DAB1: variants seen among roughly 807,000 people sequenced by gnomAD.
DAB1 encodes DAB adaptor protein 1.
DAB1 carries 15 observed loss-of-function variants against 64.6 expected under a neutral mutation model. The observed-to-expected ratio is 0.23, with a 90% confidence interval of 0.16 to 0.36. The LOEUF is 0.36. Ranked by LOEUF, DAB1 falls within the 10% of genes least tolerant of loss-of-function variation. The pLI, the probability that DAB1 is intolerant of heterozygous loss-of-function variation, is 1.00. For missense variants in DAB1, 596 were observed against 706.7 expected, an observed-to-expected ratio of 0.84 and a Z score of 1.78; for synonymous variants, 235 against 251.9, an observed-to-expected ratio of 0.93 and a Z score of 0.64.
rs576435591 is a variant in DAB1 at position 58,355,274 on chromosome 1, C to A, written n.258-11871G>T. Reference sequence around the variant, plus strand: ...CAGCCAGTCTCCATCTGTAAAGTGGCACAGCTTTGTTTCAGAGTTTGCATG... The same window carrying A: ...CAGCCAGTCTCCATCTGTAAAGTGGAACAGCTTTGTTTCAGAGTTTGCATG... On this transcript the variant is annotated intron_variant and non_coding_transcript_variant, in intron 3 of 20. Coordinates refer to the DAB1 transcript ENST00000485760. Among the ~76,000 whole-genome samples the A allele has an allele frequency of 3.2e-4, 49 of 152,298 alleles. No homozygotes were observed. In the South Asian group the frequency reaches 3.5e-3, roughly 11 times the overall value.
chr1:57,182,411 C>T (rs188276625), intron 2 of DAB1, among the ~76,000 whole-genome samples: 227 of 152,302 alleles, frequency 1.5e-3, no homozygotes, highest in Non-Finnish European at 2.5e-3. Flanking sequence ...GTGGATCTGG[C>T]TGAAGCTGCA....
chr1:58,260,203 G>A (rs982289467), intron 4 of DAB1, among the ~76,000 whole-genome samples: 27 of 152,244 alleles, frequency 1.8e-4, no homozygotes, highest in Admixed American at 7.2e-4. Context: ...TGTTGGGCTC[G>A]TATGTCCCCC....
intron 3 of DAB1, among the ~76,000 whole-genome samples, chr1:58,372,865 T>G (rs760081783): frequency 1.1e-4 from 17 of 152,196 alleles, no homozygotes; most frequent in Non-Finnish European, 2.4e-4. Flanking sequence ...GCAAGTTTCC[T>G]GAGAACTCCC....
chr1:57,566,819 G>A (rs1398901588), intron 7 of DAB1, among the ~76,000 whole-genome samples: 1 of 152,130 alleles, frequency 6.6e-6, no homozygotes, highest in African/African-American at 2.4e-5. Context: ...AGGACCAGAC[G>A]AATTCACAGC....
At chr1:57,684,849 T>C (rs1646676484) in intron 6 of DAB1, among the ~76,000 whole-genome samples, 1 of 152,182 alleles carries the variant, frequency 6.6e-6, no homozygotes, top group South Asian at 2.1e-4. Flanking sequence ...AAGACCTGAC[T>C]GCTGTTTCCC....
chr1:57,120,983 G>A (rs188954282), intron 4 of DAB1, among the ~76,000 whole-genome samples: 8 of 152,170 alleles, frequency 5.3e-5, no homozygotes, highest in African/African-American at 1.4e-4. Context: ...AAGAATTCCT[G>A]AGGAAATAGT....
chr1:57,320,318 G>A (rs537562490), intron 1 of DAB1, among the ~76,000 whole-genome samples: 1 of 152,264 alleles, frequency 6.6e-6, no homozygotes, highest in East Asian at 1.9e-4. Context: ...CCAGTTGCAG[G>A]TATTCTTTAC....
chr1:57,315,198 C>A (rs571643354), intron 1 of DAB1, among the ~76,000 whole-genome samples: 2 of 152,108 alleles, frequency 1.3e-5, no homozygotes, highest in Non-Finnish European at 2.9e-5. Flanking sequence ...TTTTCTGAGG[C>A]CACCCAAACT....
At position 58,049,016 on chromosome 1, in the gene DAB1, T is replaced by TAA. The variant is rs1320506452; in HGVS notation, n.387+101494_387+101495insTT. On this transcript the variant is annotated intron_variant and non_coding_transcript_variant, in intron 5 of 20. Coordinates refer to the DAB1 transcript ENST00000485760. ...GTGGGCACCTGGTCTTTGGGAATCT[T>TAA]CTCTTGAGACAGCTCTCTGTTTCCA... 5 of 798,480 alleles carry TAA rather than the reference T, an allele frequency of 6.3e-6. No homozygotes were observed. In the East Asian group the frequency reaches 1.2e-4, roughly 19 times the overall value. The allele number at this position is 798,480 out of a possible 1,614,324, so 49.5% of individuals were successfully genotyped here.
At chr1:57,211,134 A>G (rs2100330940) in intron 2 of DAB1, among the ~76,000 whole-genome samples, 1 of 152,342 alleles carries the variant, frequency 6.6e-6, no homozygotes, top group East Asian at 1.9e-4. Flanking sequence ...AATTCTCACA[A>G]AAGTGAAATT....
chr1:57,466,718 T>C (rs752851696), intron 7 of DAB1, among the ~76,000 whole-genome samples: 2 of 152,140 alleles, frequency 1.3e-5, no homozygotes, highest in African/African-American at 2.4e-5. Flanking sequence ...CTTCCAAACC[T>C]ATTCAGATGG....
chr1:58,026,611 G>A (rs563905494), intron 5 of DAB1, among the ~76,000 whole-genome samples: 2 of 152,248 alleles, frequency 1.3e-5, no homozygotes, highest in East Asian at 1.9e-4. Context: ...CCTGATTTAT[G>A]GGTGCAAAGA....
In DAB1 at chr1:58,170,404, C is replaced by T. The variant is rs553194642; in HGVS notation, n.310-19816G>A. Among the ~76,000 whole-genome samples the T allele has an allele frequency of 3.9e-5, 6 of 152,194 alleles. 1 individual carries two copies. The highest frequency in any genetic ancestry group is 9.6e-5 in the African/African-American group (4 of 41,534). On this transcript the variant is annotated intron_variant and non_coding_transcript_variant, in intron 4 of 20. Transcript: ENST00000485760. ...CAACTCACTAGAGGGTCAATTGATC[C>T]TAAAAGATAAGTTTATTACCCAATC...
In DAB1 at chr1:57,362,625, C is replaced by G. The variant is rs1679646025; in HGVS notation, c.-137+61305G>C. On this transcript the variant is annotated intron_variant, in intron 1 of 14. Coordinates refer to ENST00000371236, the MANE Select transcript of DAB1 (RefSeq NM_001365792.1). ...TTATAAAAGAGGCCTCAGAGAGCTGCCTTGCCCCTTCCACTGCAGAAGGAC... is the reference window on the plus strand; with the variant it reads ...TTATAAAAGAGGCCTCAGAGAGCTGGCTTGCCCCTTCCACTGCAGAAGGAC... Among the ~76,000 whole-genome samples the G allele has an allele frequency of 2.0e-5, 3 of 152,106 alleles. No homozygotes were observed. The South Asian group carries it at 6.2e-4, about 32-fold the overall frequency.
At chr1:57,800,285 G>C (rs1436671746) in intron 6 of DAB1, among the ~76,000 whole-genome samples, 1 of 152,106 alleles carries the variant, frequency 6.6e-6, no homozygotes, top group African/African-American at 2.4e-5. Context: ...AGATGTGCTG[G>C]AGACACAATC....
chr1:57,310,783 T>C (rs1403101462), intron 1 of DAB1, among the ~76,000 whole-genome samples: 1 of 152,200 alleles, frequency 6.6e-6, no homozygotes, highest in Non-Finnish European at 1.5e-5. Context: ...TAGTTTCATT[T>C]CCATGTCACA....
intron 4 of DAB1, among the ~76,000 whole-genome samples, chr1:58,209,369 C>T (rs1463989547): frequency 6.6e-6 from 1 of 152,190 alleles, no homozygotes; most frequent in African/African-American, 2.4e-5. Context: ...ACTAACACTA[C>T]TGCACTTGCA....
chr1:57,257,167 C>T (rs1570076108), intron 2 of DAB1, among the ~76,000 whole-genome samples: 1 of 152,264 alleles, frequency 6.6e-6, no homozygotes, highest in East Asian at 1.9e-4. Flanking sequence ...TTGGGGTTTG[C>T]TGAATTGCCT....
chr1:58,524,087 G>C (rs1646311980), intron 2 of DAB1, among the ~76,000 whole-genome samples: 2 of 152,182 alleles, frequency 1.3e-5, no homozygotes, highest in African/African-American at 4.8e-5. Flanking sequence ...CAGCTTTATA[G>C]ATAAGGAAAG....
Sources: allele counts gnomAD v4.1 joint callset (sites outside exome capture counted in the v4.1 genomes callset), GRCh38; gene constraint gnomAD v4.1.1; transcripts MANE v1.5; gene names NCBI Gene and HGNC (gene_info 2026-07-23, HGNC 2026-07-21).